The following AARS2 variants were observed in gnomAD, a reference collection of about 807,000 sequenced individuals.
AARS2 encodes the protein alanyl-tRNA synthetase 2, mitochondrial, also known as alanine--tRNA ligase, mitochondrial.
A neutral mutation model predicts 119.7 loss-of-function variants in AARS2; 78 were observed. The ratio of observed to expected loss-of-function variants is 0.65; its 90% CI spans 0.54 to 0.79. The LOEUF (loss-of-function observed/expected upper bound fraction) is 0.79, where lower values mean the gene tolerates loss of function less well. AARS2 is among the 30% of genes least tolerant of loss of function. The pLI is 0.00. For missense variants in AARS2, 1,157 were observed against 1,291.3 expected (o/e 0.90, Z 1.59); for synonymous variants, 502 against 526.3 (o/e 0.95, Z 0.63).
At position 44,305,608 on chromosome 6, in the gene AARS2, A is replaced by G; in HGVS notation, c.1434+45T>C. ...TCCCCCAGGAGCTCAGGGCTGGGGA[A>G]GAGGTGTCCTAACAGAACCCAGCAT... On this transcript the variant is annotated intron_variant, in intron 10 of 21. Coordinates refer to ENST00000244571, the MANE Select transcript of AARS2 (RefSeq NM_020745.4). The surrounding 1 kb of genome is among the most constrained non-coding windows in gnomAD (Gnocchi z 4.6). The G allele has an allele frequency of 6.2e-7, 1 of 1,612,486 alleles. No individual in the cohort carries two copies. The highest frequency in any genetic ancestry group is 2.2e-5 in the East Asian group (1 of 44,878).
At position 44,299,041 on chromosome 6, in the gene AARS2, C is replaced by G. The variant is rs1785146652; in HGVS notation, c.*1506G>C. On this transcript the variant is annotated 3_prime_UTR_variant, in exon 22 of 22. Coordinates refer to ENST00000244571, the MANE Select transcript of AARS2 (RefSeq NM_020745.4). The stretch of plus-strand genomic sequence containing the variant: ...TCCAGCCTCCTCACCTGCCCCTATC[C>G]CAGCTCACTGCTCAGTGGCACTGGC... Among the ~76,000 whole-genome samples, 1 of 150,182 alleles carries G rather than the reference C, an allele frequency of 6.7e-6. No individual in the cohort carries two copies. Among genetic ancestry groups the G allele is most frequent in the Admixed American group, 6.6e-5 (1 of 15,166 alleles).
chr6:44,299,139 C>G lies in AARS2; in HGVS notation c.*1408G>C, dbSNP rs1785156764. On this transcript the variant is annotated 3_prime_UTR_variant, in exon 22 of 22. Transcript: ENST00000244571. ...TCCCTGATTTCCACACGGGTCACAC[C>G]CTCACCTCCCAGCTCCCTGCTCACA... Among the ~76,000 whole-genome samples the G allele has an allele frequency of 6.6e-6, 1 of 152,164 alleles. No individual in the cohort carries two copies. Among genetic ancestry groups the G allele is most frequent in the Non-Finnish European group, 1.5e-5 (1 of 68,034 alleles).
intron 19 of AARS2, 103 bp from the exon 20 acceptor site, chr6:44,301,567 C>T (rs1185314599): frequency 8.1e-6 from 9 of 1,111,392 alleles, no homozygotes; most frequent in Non-Finnish European, 1.1e-5. Context: ...CCCTGCTTCC[C>T]CCACCCACCC....
In AARS2 at chr6:44,310,440, C is replaced by G; in HGVS notation, c.753G>C (p.Glu251Asp). The change falls in exon 5 of 22, where the codon GAG becomes GAC. Residue 251 changes from glutamate to aspartate, a missense_variant. Transcript: ENST00000244571. ...WNLVFMQHNREADGSLQPLPQ... is the reference protein window; with the variant it reads ...WNLVFMQHNRDADGSLQPLPQ... ...GCAGGGGCTGCAGGCTTCCATCTGC[C>G]TCTCTGGCCAGGGAAGGTGTGCAAG... 6.2e-7 allele frequency: 1 copy of G among 1,613,484 alleles called. No homozygotes were observed. Among genetic ancestry groups the G allele is most frequent in the Non-Finnish European group, 8.5e-7 (1 of 1,179,916 alleles).
chr6:44,309,102 G>A (rs1017443908), intron 5 of AARS2, among the ~76,000 whole-genome samples: 1 of 152,200 alleles, frequency 6.6e-6, no homozygotes, highest in African/African-American at 2.4e-5. Context: ...AATCTCTGCT[G>A]GCTTTGTGAC....
At position 44,300,552 on chromosome 6, in the gene AARS2, G is replaced by A. The variant is rs1245608232; in HGVS notation, c.2953C>T (p.Leu985Phe). The A allele has an allele frequency of 1.2e-5, 20 of 1,613,918 alleles. No individual in the cohort carries two copies. The highest frequency in any genetic ancestry group is 1.7e-5 in the Non-Finnish European group (20 of 1,180,056). The change falls in exon 22 of 22, where the codon CTC becomes TTC. Residue 985 changes from leucine to phenylalanine, a missense_variant. Transcript: ENST00000244571. ...GGTCCCTGGGCGGACCTGGGTCAGA[G>A]CTGGCTGAGGGCATAGGTTTGGGCT... ...SIAQTYALSQ[L>F]
Position 44,304,308 on chromosome 6 carries a change from C to T in AARS2, c.1880G>A (p.Gly627Asp). ...GGTGGCCGTATGCTTCGCCATGCAG[C>T]CTAGACGCCAGGCCTGAAATACTTT... Reference protein sequence around the residue: ...QLHVDEAWRLGCMAKHTATHL... With the variant: ...QLHVDEAWRLDCMAKHTATHL... Residue 627 changes from glycine (G) to aspartate (D), a missense_variant, in exon 14 of 22, where the codon GGC (glycine) becomes GAC (aspartate). Gly to Asp is a moderately conservative substitution (Grantham distance 94, BLOSUM62 -1). Transcript: ENST00000244571. 2 of 1,614,200 alleles carry T rather than the reference C, an allele frequency of 1.2e-6. No homozygotes were observed. Among genetic ancestry groups the T allele is most frequent in the Non-Finnish European group, 1.7e-6 (2 of 1,180,040 alleles).
chr6:44,304,698 C>T lies in AARS2; in HGVS notation c.1699G>A (p.Glu567Lys), dbSNP rs763561398. ...CGGTCTGAAGCCTGGCCCCCCTGTT[C>T]TGCGTAGAAGTTGGTCCTGTCCAAG... is the stretch of plus-strand genomic sequence containing the variant. ...LLLDRTNFYA[E>K]QGGQASDRGY... Residue 567 changes from glutamate (E) to lysine (K), a missense_variant, in exon 12 of 22, where the codon GAA becomes AAA. Physicochemically the swap from Glu to Lys is moderately conservative, Grantham distance 56 (BLOSUM62 1). Coordinates refer to ENST00000244571, the MANE Select transcript of AARS2 (RefSeq NM_020745.4). 3 of 1,614,266 alleles carry T rather than the reference C, an allele frequency of 1.9e-6. No individual in the cohort carries two copies. The highest frequency in any genetic ancestry group is 1.3e-5 in the African/African-American group (1 of 75,068).
intron 11 of AARS2, 113 bp from the exon 12 acceptor site, chr6:44,304,930 G>T (rs1785704134): frequency 1.2e-6 from 2 of 1,605,774 alleles, no homozygotes; most frequent in Non-Finnish European, 8.5e-7. Context: ...TCCAGCTGGG[G>T]GCCACAGAGA....
At position 44,306,663 on chromosome 6, in the gene AARS2, A is replaced by G. The variant is rs1387737890; in HGVS notation, c.1150-131T>C. ...ATTGAGGGGCTGGGAGAGGGACTCA[A>G]ATGGGGAACTGGTTTCCCTGTAGGG... is the stretch of plus-strand genomic sequence containing the variant. On this transcript the variant is annotated intron_variant, in intron 7 of 21. Transcript: ENST00000244571. The G allele has an allele frequency of 1.4e-5, 16 of 1,159,926 alleles. 1 individual carries two copies. In the Admixed American group the frequency reaches 1.7e-4, roughly 12 times the overall value. The allele number at this position is 1,159,926 out of a possible 1,614,324, so 71.9% of individuals were successfully genotyped here. A position where few individuals can be genotyped will look rare whatever the true frequency, so the allele number is the denominator to read the frequency against.
Position 44,303,355 on chromosome 6 carries a change from C to T in AARS2, c.2076G>A (p.Glu692=). Residue 692 remains glutamate, a synonymous_variant, in exon 15 of 22, where the codon GAG becomes GAA. Coordinates refer to ENST00000244571, the MANE Select transcript of AARS2 (RefSeq NM_020745.4). ...NTVQEAVGQD[E]AVYMEEVPLA... is the part of the protein sequence containing the mutation. ...GGGGCACCTCCTCCATGTACACAGC[C>T]TCATCCTGCCCCACGGCCTCCTGCA... 2 of 1,614,070 alleles carry T rather than the reference C, an allele frequency of 1.2e-6. No homozygotes were observed. The highest frequency in any genetic ancestry group is 2.2e-5 in the East Asian group (1 of 44,882).
At chr6:44,306,568 G>C (rs747842427) in intron 7 of AARS2, 36 bp from the exon 8 acceptor site, 2 of 1,613,860 alleles carry the variant, frequency 1.2e-6, no homozygotes, top group Admixed American at 1.7e-5. Context: ...AGGTGTGAAA[G>C]GCAACCAACC....
intron 3 of AARS2, 50 bp downstream of exon 3, chr6:44,311,340 T>G (rs773929944): frequency 6.2e-7 from 1 of 1,613,554 alleles, no homozygotes; most frequent in South Asian, 1.1e-5. Context: ...GTCTCCACTT[T>G]CCAGTCCTCC....
chr6:44,301,986 C>G, intron 19 of AARS2, 74 bp downstream of exon 19: 1 of 1,498,334 alleles, frequency 6.7e-7, no homozygotes, highest in Non-Finnish European at 9.1e-7. Flanking sequence ...CCCCCATGCC[C>G]CAGCCCTTGA....
chr6:44,306,430 G>A, intron 8 of AARS2, 39 bp from the exon 9 acceptor site: 2 of 1,613,890 alleles, frequency 1.2e-6, no homozygotes, highest in Non-Finnish European at 1.7e-6. Flanking sequence ...GGGTCTCCTT[G>A]GAAGGAGGGT....
At chr6:44,312,822 A>C (rs1008163591) in intron 1 of AARS2, among the ~76,000 whole-genome samples, 1 of 152,162 alleles carries the variant, frequency 6.6e-6, no homozygotes, top group Non-Finnish European at 1.5e-5. Flanking sequence ...ATGAAATCAG[A>C]CTTCTCCCTC....
Position 44,306,384 on chromosome 6 carries a change from T to G in AARS2, c.1196A>C (p.Asn399Thr). Residue 399 changes from asparagine to threonine, a missense_variant, in exon 9 of 22, where the codon AAC becomes ACC. Asn to Thr is a moderately conservative substitution (Grantham distance 65). Transcript: ENST00000244571. ...GGCTGCCTCGTCCTCTGACACCAGG[T>G]TGGCGATCTGAACCAGGCAGAGAAG... ...ELQRNSAQIA[N>T]LVSEDEAAFL... 6.2e-7 allele frequency: 1 copy of G among 1,614,078 alleles called. No individual in the cohort carries two copies.
At chr6:44,312,286 G>A in intron 1 of AARS2, 23 bp from the exon 2 acceptor site, 1 of 1,609,482 alleles carries the variant, frequency 6.2e-7, no homozygotes, top group Non-Finnish European at 8.5e-7. Flanking sequence ...AGAGTGGGGA[G>A]GGGGAGAGGG....
In AARS2 at chr6:44,304,698, C is replaced by G. The variant is rs763561398; in HGVS notation, c.1699G>C (p.Glu567Gln). 1 of 1,614,148 alleles carries G rather than the reference C, an allele frequency of 6.2e-7. No individual in the cohort carries two copies. Among genetic ancestry groups the G allele is most frequent in the Admixed American group, 1.7e-5 (1 of 60,018 alleles). The change falls in exon 12 of 22, where the codon GAA becomes CAA. Residue 567 changes from glutamate (E) to glutamine (Q), a missense_variant. By Grantham distance (29) the Glu-to-Gln change is conservative. Transcript: ENST00000244571. Reference sequence around the variant, plus strand: ...CGGTCTGAAGCCTGGCCCCCCTGTTCTGCGTAGAAGTTGGTCCTGTCCAAG... The same window carrying G: ...CGGTCTGAAGCCTGGCCCCCCTGTTGTGCGTAGAAGTTGGTCCTGTCCAAG... ...LLLDRTNFYA[E>Q]QGGQASDRGY...
Sources: allele counts gnomAD v4.1 joint callset (sites outside exome capture counted in the v4.1 genomes callset), GRCh38; gene constraint gnomAD v4.1.1; non-coding constraint Gnocchi (gnomAD v3.1); transcripts MANE v1.5; gene names NCBI Gene and HGNC (gene_info 2026-07-23, HGNC 2026-07-21).